KLRF2: variants seen among roughly 807,000 people sequenced by gnomAD.
KLRF2 encodes the protein killer cell lectin-like receptor subfamily F member 2.
Under a neutral mutation model 25.3 loss-of-function variants are expected in KLRF2, and 28 were observed. The ratio of observed to expected loss-of-function variants is 1.11; its 90% CI spans 0.82 to 1.52. KLRF2 has a LOEUF of 1.52. Among genes scored for constraint, KLRF2 ranks in the 40% most tolerant of loss-of-function variants. The probability of loss-of-function intolerance (pLI) is 0.00; values close to 1 mark genes in which losing one functional copy is unlikely to be tolerated. For synonymous variants in KLRF2, 73 were observed against 85.0 expected (o/e 0.86, Z 0.78); for missense variants, 265 against 245.8 (o/e 1.08, Z -0.52).
At chr12:9,882,773 T>C (rs1218052684) in intron 1 of KLRF2, among the ~76,000 whole-genome samples, 1 of 131,574 alleles carries the variant, frequency 7.6e-6, no homozygotes, top group Non-Finnish European at 1.7e-5. Context: ...AGAGCAAGAC[T>C]CCATATATAA....
At position 9,894,038 on chromosome 12, in the gene KLRF2, TTTTC is replaced by T. The variant is rs767303006; in HGVS notation, c.479+511_479+514del. Reference sequence around the variant, plus strand: ...TTTCTTTTTCTTTTCTTCTCTTTCTTTTTCTTTCTTTCTTTCTCTTTCTCTTTTT... The same window carrying T: ...TTTCTTTTTCTTTTCTTCTCTTTCTTTTTCTTTCTTTCTCTTTCTCTTTTT... On this transcript the variant is annotated intron_variant, in intron 5 of 5. Transcript: ENST00000535540. Among the ~76,000 whole-genome samples the T allele has an allele frequency of 2.1e-3, 313 of 152,026 alleles. 2 individuals carry two copies. Among genetic ancestry groups the T allele is most frequent in the African/African-American group, 6.1e-3 (253 of 41,500 alleles).
chr12:9,893,032 T>C lies in KLRF2; in HGVS notation c.230T>C (p.Leu77Ser). The C allele has an allele frequency of 6.5e-7, 1 of 1,535,596 alleles. No individual in the cohort carries two copies. The highest frequency in any genetic ancestry group is 8.7e-7 in the Non-Finnish European group (1 of 1,146,522). ...TGTTTTCCTTTAGGACACAATTACTTGTGCCCAAATGACTGGCTGTTGAAC... is the reference window on the plus strand; with the variant it reads ...TGTTTTCCTTTAGGACACAATTACTCGTGCCCAAATGACTGGCTGTTGAAC... ...NVSSLSGHNY[L>S]CPNDWLLNEG... Residue 77 changes from leucine to serine, a missense_variant, in exon 4 of 6, where the codon TTG (leucine) becomes TCG (serine). Physicochemically the swap from Leu to Ser is moderately radical, Grantham distance 145 (BLOSUM62 -2). Transcript: ENST00000535540.
intron 5 of KLRF2, 79 bp from the exon 6 acceptor site, chr12:9,895,610 A>G (rs1862747560): frequency 7.4e-7 from 1 of 1,350,420 alleles, no homozygotes; most frequent in Non-Finnish European, 9.8e-7. Flanking sequence ...TACCTATAAA[A>G]GTTTGGCTGG....
rs1235229431 is a variant in KLRF2 at position 9,893,536 on chromosome 12, A to G, written c.474A>G (p.Pro158=). 1.5e-5 allele frequency: 20 copies of G among 1,376,142 alleles called. No individual in the cohort carries two copies. Among genetic ancestry groups the G allele is most frequent in the Non-Finnish European group, 2.0e-5 (20 of 1,007,688 alleles). The allele number at this position is 1,376,142 out of a possible 1,614,324, so 85.2% of individuals were successfully genotyped here. ...GGATAGATGAACACTTTTTAGTTCC[A>G]GAATTGTGAGTAGTTATTTGTAAGG... ...WMWIDEHFLV[P]ELFSVIGPTD... The change falls in exon 5 of 6, where the codon CCA becomes CCG. Residue 158 remains proline, a synonymous_variant. Coordinates refer to ENST00000535540, the MANE Select transcript of KLRF2 (RefSeq NM_001190765.1).
chr12:9,882,906 A>G (rs183485563), intron 1 of KLRF2, among the ~76,000 whole-genome samples: 2 of 152,358 alleles, frequency 1.3e-5, no homozygotes, highest in Admixed American at 6.5e-5. Context: ...CTACCTGATG[A>G]TGCTTTTATG....
chr12:9,892,990 TAATTAATTTTCC>T lies in KLRF2; in HGVS notation c.218-29_218-18del. On this transcript the variant is annotated intron_variant, in intron 3 of 5. Coordinates refer to ENST00000535540, the MANE Select transcript of KLRF2 (RefSeq NM_001190765.1). ...TATCTTCCCTGTTGGCTGTAAAGTT[TAATTAATTTTCC>T]CCTATGTTTTCCTTTAGGACACAAT... The T allele has an allele frequency of 6.7e-7, 1 of 1,503,234 alleles. No individual in the cohort carries two copies. The highest frequency in any genetic ancestry group is 1.2e-5 in the South Asian group (1 of 82,104). The allele number at this position is 1,503,234 out of a possible 1,614,324, so 93.1% of individuals were successfully genotyped here.
intron 1 of KLRF2, among the ~76,000 whole-genome samples, chr12:9,884,479 G>C (rs1868129056): frequency 6.6e-6 from 1 of 151,140 alleles, no homozygotes; most frequent in African/African-American, 2.4e-5. Flanking sequence ...TTTCTTAGCA[G>C]TGAGTCACTA....
chr12:9,885,013 G>C lies in KLRF2; in HGVS notation c.150G>C (p.Gly50=). The C allele has an allele frequency of 7.7e-7, 1 of 1,299,574 alleles. No individual in the cohort carries two copies. Among genetic ancestry groups the C allele is most frequent in the Non-Finnish European group, 9.9e-7 (1 of 1,013,310 alleles). The allele number at this position is 1,299,574 out of a possible 1,614,324, so 80.5% of individuals were successfully genotyped here. ...TGATCCTTATATTCATTATGACAGG[G>C]ATTGACCTGAAGTTCTGGCGTGAGT... The part of the protein sequence containing the change: ...CIVILIFIMT[G]IDLKFWHKKM... Residue 50 remains glycine (G), a synonymous_variant, in exon 2 of 6, where the codon GGG becomes GGC. Transcript: ENST00000535540.
At position 9,881,871 on chromosome 12, in the gene KLRF2, C is replaced by T. The variant is rs7138081; in HGVS notation, c.70+206C>T. On this transcript the variant is annotated intron_variant, in intron 1 of 5. Transcript: ENST00000535540. ...TCAGAGCCATGAGGTAAGAGAAATG[C>T]GAATATGACGATGTGTAATCCTGTG... Among the ~76,000 whole-genome samples the T allele has an allele frequency of 0.025, 3,821 of 151,968 alleles. 164 individuals are homozygous for T. The highest frequency in any genetic ancestry group is 0.087 in the African/African-American group (3,591 of 41,412).
intron 5 of KLRF2, among the ~76,000 whole-genome samples, chr12:9,895,169 A>G (rs946889909): frequency 3.3e-5 from 5 of 152,368 alleles, no homozygotes; most frequent in Admixed American, 2.6e-4. Flanking sequence ...ACTGCCTCCC[A>G]ACTCACATCA....
At chr12:9,892,901 A>AT (rs1555127038) in intron 3 of KLRF2, 119 bp from the exon 4 acceptor site, 2 of 736,364 alleles carry the variant, frequency 2.7e-6, no homozygotes, top group African/African-American at 2.7e-5. Flanking sequence ...CTTTTTATTG[A>AT]CCAAAAAAAA....
At chr12:9,891,571 A>G (rs970577578) in intron 3 of KLRF2, among the ~76,000 whole-genome samples, 1 of 152,200 alleles carries the variant, frequency 6.6e-6, no homozygotes, top group Non-Finnish European at 1.5e-5. Flanking sequence ...CTCTCAAATC[A>G]TAACTTGGGA....
intron 2 of KLRF2, among the ~76,000 whole-genome samples, chr12:9,887,034 TAA>T (rs1336223400): frequency 1.3e-5 from 2 of 151,646 alleles, no homozygotes; most frequent in African/African-American, 4.8e-5. Flanking sequence ...TAAATAAATA[TAA>T]GAGGATATCT....
chr12:9,886,431 A>G (rs1862598326), intron 2 of KLRF2, among the ~76,000 whole-genome samples: 2 of 152,212 alleles, frequency 1.3e-5, no homozygotes, highest in Admixed American at 1.3e-4. Flanking sequence ...AGTGGATAGC[A>G]TAATGCTATT....
intron 2 of KLRF2, among the ~76,000 whole-genome samples, chr12:9,887,729 T>G (rs1012585078): frequency 8.0e-4 from 122 of 151,894 alleles, no homozygotes; most frequent in Non-Finnish European, 1.6e-3. Flanking sequence ...AAAGAGTTTT[T>G]TTTTTTTTTT....
intron 2 of KLRF2, 64 bp downstream of exon 2, chr12:9,885,096 C>T: frequency 1.9e-6 from 1 of 518,012 alleles, no homozygotes; most frequent in Non-Finnish European, 3.0e-6. Flanking sequence ...CTTCATTCCT[C>T]TTAATGCCAA....
In KLRF2 at chr12:9,893,038, C is replaced by T. The variant is rs939380572; in HGVS notation, c.236C>T (p.Pro79Leu). Residue 79 changes from proline (P) to leucine (L), a missense_variant, in exon 4 of 6, where the codon CCA becomes CTA. Physicochemically the swap from Pro to Leu is moderately conservative, Grantham distance 98 (BLOSUM62 -3). Coordinates refer to ENST00000535540, the MANE Select transcript of KLRF2 (RefSeq NM_001190765.1). Reference sequence around the variant, plus strand: ...CCTTTAGGACACAATTACTTGTGCCCAAATGACTGGCTGTTGAACGAAGGG... The same window carrying T: ...CCTTTAGGACACAATTACTTGTGCCTAAATGACTGGCTGTTGAACGAAGGG... ...SSLSGHNYLC[P>L]NDWLLNEGKC... 23 of 1,535,292 alleles carry T rather than the reference C, an allele frequency of 1.5e-5. No individual in the cohort carries two copies. In the African/African-American group the frequency reaches 3.2e-4, roughly 21 times the overall value.
chr12:9,893,517 A>G lies in KLRF2; in HGVS notation c.455A>G (p.Asp152Gly). Residue 152 changes from aspartate (D) to glycine (G), a missense_variant, in exon 5 of 6, where the codon GAT becomes GGT. Coordinates refer to ENST00000535540, the MANE Select transcript of KLRF2 (RefSeq NM_001190765.1). ...TFQGNLWMWI[D>G]EHFLVPELFS... ...CAAGGGAACCTATGGATGTGGATAG[A>G]TGAACACTTTTTAGTTCCAGAATTG... 6.7e-7 allele frequency: 1 copy of G among 1,498,186 alleles called. No individual in the cohort carries two copies. Among genetic ancestry groups the G allele is most frequent in the Non-Finnish European group, 9.0e-7 (1 of 1,116,428 alleles). 92.8% of individuals were successfully genotyped at this position (1,498,186 alleles called of 1,614,324 possible). A position where few individuals can be genotyped will look rare whatever the true frequency, so the allele number is the denominator to read the frequency against.
At chr12:9,889,692 A>C (rs1401384047) in intron 3 of KLRF2, among the ~76,000 whole-genome samples, 2 of 151,758 alleles carry the variant, frequency 1.3e-5, no homozygotes, top group Non-Finnish European at 2.9e-5. Context: ...ATATATACAC[A>C]CATATATACA....
Sources: gnomAD v4.1 joint callset for allele counts (sites outside exome capture counted in the v4.1 genomes callset) on GRCh38, gnomAD v4.1.1 for gene constraint, MANE v1.5 for transcripts, NCBI Gene and HGNC (gene_info 2026-07-23, HGNC 2026-07-21) for gene names.